VN1R4: variants seen among roughly 807,000 people sequenced by gnomAD.
The protein encoded by VN1R4 is vomeronasal type-1 receptor 4.
For synonymous variants in VN1R4, 97 were observed against 138.8 expected, an observed-to-expected ratio of 0.70 and a Z score of 2.12; for missense variants, 291 against 364.2, an observed-to-expected ratio of 0.80 and a Z score of 1.64.
chr19:53,267,350 C>T (rs756736073), exon 1 of VN1R4: 170 of 1,613,894 alleles, frequency 1.1e-4, no homozygotes, highest in Non-Finnish European at 1.4e-4. Context: ...ACCGTGATCA[C>T]CTGGAAGACA....
exon 1 of VN1R4, chr19:53,267,284 C>G (rs1357178237): frequency 1.1e-5 from 17 of 1,613,788 alleles, no homozygotes; most frequent in Non-Finnish European, 1.4e-5. Context: ...ACAGAAAAGC[C>G]AACATGCTTG....
exon 1 of VN1R4, chr19:53,266,757 T>C (rs774634917): frequency 6.3e-7 from 1 of 1,595,946 alleles, no homozygotes; most frequent in Non-Finnish European, 8.5e-7. Flanking sequence ...TTAGGAGATC[T>C]TGTCATCTTT....
rs1196642171 is a variant in VN1R4 at position 53,267,595 on chromosome 19, G to A, written c.71C>T (p.Ser24Phe). The change falls in exon 1 of 1, where the codon TCT becomes TTT. Residue 24 changes from serine (S) to phenylalanine (F), a missense_variant. Physicochemically the swap from Ser to Phe is radical, Grantham distance 155. Transcript: ENST00000311170. Reference sequence around the variant, plus strand: ...AAAGGAGAGATAATGGAGAAGAACAGAGAAGCTCCCCAGGACTCCCACCAC... The same window carrying A: ...AAAGGAGAGATAATGGAGAAGAACAAAGAAGCTCCCCAGGACTCCCACCAC... 3.7e-6 allele frequency: 6 copies of A among 1,613,732 alleles called. No homozygotes were observed. The African/African-American group carries it at 8.0e-5, about 22-fold the overall frequency.
At chr19:53,266,781 A>G (rs1388171395) in exon 1 of VN1R4, 1 of 1,605,894 alleles carries the variant, frequency 6.2e-7, no homozygotes, top group Non-Finnish European at 8.5e-7. Context: ...AGGCAAAACA[A>G]AACCTGTATA....
At position 53,267,032 on chromosome 19, in the gene VN1R4, G is replaced by C. The variant is rs778050672; in HGVS notation, c.634C>G (p.Arg212Gly). The C allele has an allele frequency of 5.0e-5, 80 of 1,612,586 alleles. No homozygotes were observed. Among genetic ancestry groups the C allele is most frequent in the Admixed American group, 2.2e-4 (13 of 59,916 alleles). ...TTGCTCCTATCAATGTGCTGGACCC[G>C]CTGCTTGTGCCTGTGCAGTATGCAA... The change falls in exon 1 of 1, where the codon CGG (arginine) becomes GGG (glycine). Residue 212 changes from arginine (R) to glycine (G), a missense_variant. Coordinates refer to ENST00000311170, the Ensembl canonical transcript of VN1R4.
exon 1 of VN1R4, chr19:53,267,557 A>C: frequency 6.2e-7 from 1 of 1,614,026 alleles, no homozygotes; most frequent in Non-Finnish European, 8.5e-7. Flanking sequence ...CTTAACCTGC[A>C]CCCAGTGCAG....
exon 1 of VN1R4, chr19:53,267,070 C>T: frequency 6.2e-7 from 1 of 1,613,104 alleles, no homozygotes; most frequent in Non-Finnish European, 8.5e-7. Flanking sequence ...CATGGAGCTG[C>T]TGACCCAGAG....
Position 53,267,229 on chromosome 19 carries a change from G to A in VN1R4, c.437C>T (p.Pro146Leu), listed in dbSNP as rs1370390404. 1 of 1,610,138 alleles carries A rather than the reference G, an allele frequency of 6.2e-7. No homozygotes were observed. The highest frequency in any genetic ancestry group is 1.7e-5 in the Admixed American group (1 of 59,530). Residue 146 changes from proline (P) to leucine (L), a missense_variant, in exon 1 of 1, where the codon CCC becomes CTC. Coordinates refer to ENST00000311170, the Ensembl canonical transcript of VN1R4. ...GTTCCATTTGCCAGTCACATACATGGGAAAGATGATGTTTACCAACATGCA... is the reference window on the plus strand; with the variant it reads ...GTTCCATTTGCCAGTCACATACATGAGAAAGATGATGTTTACCAACATGCA...
At chr19:53,266,695 T>C in exon 1 of VN1R4, 1 of 1,455,098 alleles carries the variant, frequency 6.9e-7, no homozygotes, top group Admixed American at 2.3e-5. Context: ...GAAGAGTAAG[T>C]CATCAATTGA....
exon 1 of VN1R4, chr19:53,266,778 A>C: frequency 5.0e-6 from 8 of 1,605,358 alleles, no homozygotes; most frequent in Non-Finnish European, 6.8e-6. Flanking sequence ...TCCAGGCAAA[A>C]CAAAACCTGT....
chr19:53,267,287 C>T (rs1376472282), exon 1 of VN1R4: 1 of 1,613,872 alleles, frequency 6.2e-7, no homozygotes, highest in East Asian at 2.2e-5. Flanking sequence ...GAAAAGCCAA[C>T]ATGCTTGGGG....
chr19:53,267,470 T>C (rs1384175093), exon 1 of VN1R4: 1 of 1,614,130 alleles, frequency 6.2e-7, no homozygotes, highest in Non-Finnish European at 8.5e-7. Flanking sequence ...AAAGCTGCCA[T>C]TGTCTGGGGG....
At chr19:53,266,803 C>A in exon 1 of VN1R4, 11 of 1,613,870 alleles carry the variant, frequency 6.8e-6, no homozygotes, top group Non-Finnish European at 9.3e-6. Context: ...ACTGGGGTCA[C>A]AGCTCATGAG....
At chr19:53,267,362 T>A (rs2146990527) in exon 1 of VN1R4, 1 of 1,613,780 alleles carries the variant, frequency 6.2e-7, no homozygotes, top group Middle Eastern at 1.6e-4. Context: ...TGGAAGACAC[T>A]CAAGAGGCAG....
chr19:53,266,884 T>C, exon 1 of VN1R4: 1 of 1,614,170 alleles, frequency 6.2e-7, no homozygotes, highest in East Asian at 2.2e-5. Context: ...ACTATTGGGA[T>C]TATCCAAAAG....
chr19:53,267,214 C>T, exon 1 of VN1R4: 6 of 1,610,714 alleles, frequency 3.7e-6, no homozygotes, highest in Non-Finnish European at 3.4e-6. Flanking sequence ...GTTCCATTTG[C>T]CAGTCACATA....
chr19:53,267,414 G>A (rs998850555), exon 1 of VN1R4: 12 of 1,614,150 alleles, frequency 7.4e-6, no homozygotes, highest in Non-Finnish European at 1.0e-5. Flanking sequence ...TATGGAGATA[G>A]AAAACAAGTT....
exon 1 of VN1R4, chr19:53,266,839 C>A: frequency 6.2e-7 from 1 of 1,614,178 alleles, no homozygotes; most frequent in African/African-American, 1.3e-5. Context: ...AGTTGGGAAA[C>A]ATACACTCAT....
exon 1 of VN1R4, chr19:53,266,802 A>G (rs751319979): frequency 6.2e-7 from 1 of 1,613,828 alleles, no homozygotes; most frequent in South Asian, 1.1e-5. Context: ...CACTGGGGTC[A>G]CAGCTCATGA....
Sources: allele counts gnomAD v4.1 joint callset, GRCh38; gene constraint gnomAD v4.1.1; transcripts MANE v1.5; gene names NCBI Gene and HGNC (gene_info 2026-07-23, HGNC 2026-07-21).